The following DPH6 variants were observed in gnomAD, a reference collection of about 807,000 sequenced individuals.
The protein encoded by DPH6 is diphthamine biosynthesis 6.
A neutral mutation model predicts 38.2 loss-of-function variants in DPH6; 33 were observed. The ratio of observed to expected loss-of-function variants is 0.86; its 90% CI spans 0.65 to 1.15. The LOEUF (loss-of-function observed/expected upper bound fraction) is 1.15. DPH6 is among the 50% of genes most tolerant of loss of function. The probability of loss-of-function intolerance (pLI) is 0.00; values close to 1 mark genes in which losing one functional copy is unlikely to be tolerated. For synonymous variants in DPH6, 108 were observed against 103.0 expected, an observed-to-expected ratio of 1.05 and a Z score of -0.30; for missense variants, 325 against 320.0, an observed-to-expected ratio of 1.02 and a Z score of -0.12.
intron 3 of DPH6, among the ~76,000 whole-genome samples, chr15:35,243,833 T>C (rs901011200): frequency 5.3e-5 from 8 of 152,212 alleles, no homozygotes; most frequent in Non-Finnish European, 1.0e-4. Context: ...CGGACGCGCA[T>C]GAAAAATTCC....
At chr15:35,232,342 G>C (rs11637767) in intron 3 of DPH6, among the ~76,000 whole-genome samples, 4,280 of 152,242 alleles carry the variant, frequency 0.028, 88 homozygotes, top group Middle Eastern at 0.041. Context: ...AACACTTTGG[G>C]AGGCCAAGGC....
chr15:35,255,717 A>AT (rs531232424), intron 3 of DPH6, among the ~76,000 whole-genome samples: 3 of 151,972 alleles, frequency 2.0e-5, no homozygotes, highest in African/African-American at 7.2e-5. Context: ...TCGTCTTGAA[A>AT]TTTTTTTTGA....
In DPH6 at chr15:35,405,537, T is replaced by A. The variant is rs144566363; in HGVS notation, c.567+5298A>T. ...TTGGCATATAGACATGCTATTGATTTTTGTTTGTTGATTTTCTGTCCCACA... is the reference window on the plus strand; with the variant it reads ...TTGGCATATAGACATGCTATTGATTATTGTTTGTTGATTTTCTGTCCCACA... On this transcript the variant is annotated intron_variant, in intron 6 of 8. Transcript: ENST00000256538. Among the ~76,000 whole-genome samples, 561 of 152,254 alleles carry A rather than the reference T, an allele frequency of 3.7e-3. 2 individuals are homozygous for A. Among genetic ancestry groups the A allele is most frequent in the African/African-American group, 0.012 (510 of 41,566 alleles).
the DPH6 span, among the ~76,000 whole-genome samples, chr15:35,174,296 T>C: frequency 1.3e-5 from 2 of 152,210 alleles, no homozygotes; most frequent in Non-Finnish European, 1.5e-5. Flanking sequence ...ATTTAAGCCT[T>C]TTATTTTAGT....
intron 3 of DPH6, among the ~76,000 whole-genome samples, chr15:35,516,241 G>C (rs1338449527): frequency 6.6e-6 from 1 of 152,160 alleles, no homozygotes; most frequent in Admixed American, 6.6e-5. Flanking sequence ...CTAAGAACCA[G>C]ATCAACAGAG....
chr15:35,345,221 C>T (rs1478852949), intron 3 of DPH6, among the ~76,000 whole-genome samples: 1 of 151,778 alleles, frequency 6.6e-6, no homozygotes. Context: ...TGTAAATTAA[C>T]CTCGTATCCA....
intron 3 of DPH6, among the ~76,000 whole-genome samples, chr15:35,261,938 G>A (rs2051749767): frequency 6.6e-6 from 1 of 152,160 alleles, no homozygotes; most frequent in African/African-American, 2.4e-5. Flanking sequence ...TGAAGCTACA[G>A]TAGTAAAGAG....
chr15:35,179,160 T>TG, the DPH6 span, among the ~76,000 whole-genome samples: 2 of 136,498 alleles, frequency 1.5e-5, no homozygotes, highest in African/African-American at 5.6e-5. Context: ...GAGCCAAGAT[T>TG]GCGCCATTGC....
chr15:35,246,721 C>A (rs889000165), intron 3 of DPH6, among the ~76,000 whole-genome samples: 1 of 152,190 alleles, frequency 6.6e-6, no homozygotes, highest in Non-Finnish European at 1.5e-5. Flanking sequence ...GCCCCTTCTT[C>A]TTAATTAGTG....
At chr15:35,444,457 A>G (rs1451900600) in intron 5 of DPH6, among the ~76,000 whole-genome samples, 3 of 152,198 alleles carry the variant, frequency 2.0e-5, no homozygotes, top group Non-Finnish European at 2.9e-5. Context: ...TAGTGTTTCC[A>G]TAAGTGGGCA....
At chr15:35,268,981 C>T (rs2051803208) in intron 3 of DPH6, among the ~76,000 whole-genome samples, 1 of 152,068 alleles carries the variant, frequency 6.6e-6, no homozygotes, top group African/African-American at 2.4e-5. Flanking sequence ...ATGAAAATCA[C>T]CTTTTTAATT....
chr15:35,480,335 A>G lies in DPH6; in HGVS notation c.313-25515T>C, dbSNP rs183840351. On this transcript the variant is annotated intron_variant, in intron 3 of 8. Transcript: ENST00000256538. ...ACAGTTGCCTACAGACAATTCTTTA[A>G]GAAAATCCTATGTAAGGATGACCTT... Among the ~76,000 whole-genome samples, 487 of 152,260 alleles carry G rather than the reference A, an allele frequency of 3.2e-3. 3 individuals carry two copies. The highest frequency in any genetic ancestry group is 5.1e-3 in the Non-Finnish European group (346 of 67,968).
chr15:35,411,829 GAC>G (rs2053370901), intron 5 of DPH6, among the ~76,000 whole-genome samples: 1 of 151,594 alleles, frequency 6.6e-6, no homozygotes, highest in African/African-American at 2.4e-5. Context: ...AATGGATCTA[GAC>G]ACAGACTTTA....
chr15:35,364,447 A>C (rs1414070713), intron 3 of DPH6, among the ~76,000 whole-genome samples: 1 of 152,112 alleles, frequency 6.6e-6, no homozygotes, highest in Non-Finnish European at 1.5e-5. Flanking sequence ...CTTCAAAAAA[A>C]AATTACACAC....
intron 5 of DPH6, among the ~76,000 whole-genome samples, chr15:35,441,352 C>G (rs2053785109): frequency 6.6e-6 from 1 of 152,204 alleles, no homozygotes; most frequent in Admixed American, 6.5e-5. Flanking sequence ...TATAAAGACA[C>G]ATGCACATGT....
chr15:35,384,030 C>A lies in DPH6; in HGVS notation c.568-2114G>T, dbSNP rs372073927. On this transcript the variant is annotated intron_variant, in intron 6 of 8. Coordinates refer to ENST00000256538, the MANE Select transcript of DPH6 (RefSeq NM_080650.4). ...CTAGACACTTATTTATGGTGTACAA[C>A]CTTTCTATTTACCTTTCTAAAAGTT... Among the ~76,000 whole-genome samples the A allele has an allele frequency of 1.4e-4, 22 of 152,322 alleles. 4 individuals carry two copies. The highest frequency in any genetic ancestry group is 7.7e-4 in the East Asian group (4 of 5,184).
downstream of DPH6, among the ~76,000 whole-genome samples, chr15:35,366,132 G>A (rs2052656486): frequency 1.3e-5 from 2 of 151,738 alleles, no homozygotes; most frequent in Admixed American, 1.3e-4. Context: ...CCATGGATGG[G>A]ATCCTTGAGT....
the DPH6 span, among the ~76,000 whole-genome samples, chr15:35,210,360 A>T: frequency 6.6e-6 from 1 of 152,224 alleles, no homozygotes; most frequent in Non-Finnish European, 1.5e-5. Flanking sequence ...GCAGGGAATC[A>T]AGAAATGTAG....
intron 3 of DPH6, among the ~76,000 whole-genome samples, chr15:35,456,048 C>T (rs1276467005): frequency 2.6e-5 from 4 of 152,060 alleles, no homozygotes; most frequent in Non-Finnish European, 4.4e-5. Flanking sequence ...GAAATACCTG[C>T]CCAAATCACC....
Sources: gnomAD v4.1 joint callset for allele counts (sites outside exome capture counted in the v4.1 genomes callset) on GRCh38, gnomAD v4.1.1 for gene constraint, MANE v1.5 for transcripts, NCBI Gene and HGNC (gene_info 2026-07-23, HGNC 2026-07-21) for gene names.